RNU7-1: variants seen among roughly 807,000 people sequenced by gnomAD.
The protein encoded by RNU7-1 is RNA, U7 small nuclear 1.
chr12:6,943,830 T>C (rs1320952467), exon 1 of RNU7-1: 7 of 868,592 alleles, frequency 8.1e-6, no homozygotes, highest in East Asian at 3.6e-5. Context: ...GTTACAGCTC[T>C]TTTAGAATTT....
exon 1 of RNU7-1, chr12:6,943,853 T>C (rs782427287): frequency 1.3e-4 from 121 of 909,288 alleles, no homozygotes; most frequent in Non-Finnish European, 1.7e-4. Context: ...CTAGTAGGCT[T>C]TCTGGCTTTT....
chr12:6,943,856 T>G lies in RNU7-1; in HGVS notation n.41T>G, dbSNP rs782444004. The G allele has an allele frequency of 4.3e-5, 40 of 932,280 alleles. No individual in the cohort carries two copies. Among genetic ancestry groups the G allele is most frequent in the African/African-American group, 1.2e-4 (7 of 59,234 alleles). 57.8% of individuals were successfully genotyped at this position (932,280 alleles called of 1,614,324 possible). On this transcript the variant is annotated non_coding_transcript_exon_variant, in exon 1 of 1. Transcript: ENST00000458811. The stretch of plus-strand genomic sequence containing the variant: ...TTTAGAATTTGTCTAGTAGGCTTTC[T>G]GGCTTTTTACCGGAAAGCCCCTCTT...
chr12:6,943,831 T>A (rs1343068289), exon 1 of RNU7-1: 2 of 866,826 alleles, frequency 2.3e-6, no homozygotes, highest in African/African-American at 1.7e-5. Flanking sequence ...TTACAGCTCT[T>A]TTAGAATTTG....
rs1294545980 is a variant in RNU7-1, at chr12:6,943,859, CT to C, written n.49del. On this transcript the variant is annotated non_coding_transcript_exon_variant, in exon 1 of 1. Transcript: ENST00000458811. The stretch of plus-strand genomic sequence containing the variant: ...AGAATTTGTCTAGTAGGCTTTCTGG[CT>C]TTTTACCGGAAAGCCCCTCTTATGA... 4.8e-5 allele frequency: 45 copies of C among 939,090 alleles called. No homozygotes were observed. Among genetic ancestry groups the C allele is most frequent in the Middle Eastern group, 7.0e-4 (2 of 2,856 alleles). The allele number at this position is 939,090 out of a possible 1,614,324, so 58.2% of individuals were successfully genotyped here.
exon 1 of RNU7-1, chr12:6,943,868 G>GA: frequency 2.1e-6 from 2 of 941,890 alleles, no homozygotes; most frequent in East Asian, 3.0e-5. Flanking sequence ...GCTTTTTACC[G>GA]GAAAGCCCCT....
rs1003056522 is a variant in RNU7-1, at chr12:6,943,826, G to C, written n.11G>C. Reference sequence around the variant, plus strand: ...CAAACACATACGCAGCAGTGTTACAGCTCTTTTAGAATTTGTCTAGTAGGC... The same window carrying C: ...CAAACACATACGCAGCAGTGTTACACCTCTTTTAGAATTTGTCTAGTAGGC... On this transcript the variant is annotated non_coding_transcript_exon_variant, in exon 1 of 1. Coordinates refer to ENST00000458811, the Ensembl canonical transcript of RNU7-1. 11 of 862,556 alleles carry C rather than the reference G, an allele frequency of 1.3e-5. No homozygotes were observed. The South Asian group carries it at 1.4e-4, about 11-fold the overall frequency. The allele number at this position is 862,556 out of a possible 1,614,324, so 53.4% of individuals were successfully genotyped here.
At chr12:6,943,841 G>C in exon 1 of RNU7-1, 2 of 885,578 alleles carry the variant, frequency 2.3e-6, no homozygotes, top group Non-Finnish European at 3.2e-6. Flanking sequence ...TTTAGAATTT[G>C]TCTAGTAGGC....
chr12:6,943,816 C>A (rs115670517), exon 1 of RNU7-1: 10 of 833,466 alleles, frequency 1.2e-5, no homozygotes, highest in South Asian at 1.8e-5. Flanking sequence ...ACATACGCAG[C>A]AGTGTTACAG....
chr12:6,943,852 T>A (rs1012635845), exon 1 of RNU7-1: 3 of 905,832 alleles, frequency 3.3e-6, no homozygotes, highest in African/African-American at 1.7e-5. Flanking sequence ...TCTAGTAGGC[T>A]TTCTGGCTTT....
exon 1 of RNU7-1, chr12:6,943,836 A>AT: frequency 5.7e-6 from 5 of 876,686 alleles, no homozygotes; most frequent in East Asian, 3.5e-5. Flanking sequence ...GCTCTTTTAG[A>AT]ATTTGTCTAG....
exon 1 of RNU7-1, chr12:6,943,849 G>C (rs782586264): frequency 1.1e-5 from 10 of 890,604 alleles, no homozygotes; most frequent in African/African-American, 1.0e-4. Context: ...TTGTCTAGTA[G>C]GCTTTCTGGC....
chr12:6,943,849 G>A (rs782586264), exon 1 of RNU7-1: 73 of 890,604 alleles, frequency 8.2e-5, no homozygotes, highest in Non-Finnish European at 1.0e-4. Flanking sequence ...TTGTCTAGTA[G>A]GCTTTCTGGC....
exon 1 of RNU7-1, chr12:6,943,858 G>A (rs781962342): frequency 9.5e-5 from 89 of 940,576 alleles, no homozygotes; most frequent in East Asian, 2.8e-4. Context: ...AGGCTTTCTG[G>A]CTTTTTACCG....
At chr12:6,943,868 G>GT (rs1287202202) in exon 1 of RNU7-1, 66 of 941,772 alleles carry the variant, frequency 7.0e-5, no homozygotes, top group Middle Eastern at 3.4e-4. Flanking sequence ...GCTTTTTACC[G>GT]GAAAGCCCCT....
At chr12:6,943,820 G>C in exon 1 of RNU7-1, 1 of 857,908 alleles carries the variant, frequency 1.2e-6, no homozygotes, top group Admixed American at 3.3e-5. Context: ...ACGCAGCAGT[G>C]TTACAGCTCT....
exon 1 of RNU7-1, chr12:6,943,846 G>GT (rs1371704028): frequency 1.1e-5 from 10 of 902,024 alleles, no homozygotes; most frequent in Non-Finnish European, 1.4e-5. Flanking sequence ...AATTTGTCTA[G>GT]TAGGCTTTCT....
At chr12:6,943,841 G>T (rs921380928) in exon 1 of RNU7-1, 4 of 885,578 alleles carry the variant, frequency 4.5e-6, no homozygotes, top group Non-Finnish European at 4.8e-6. Context: ...TTTAGAATTT[G>T]TCTAGTAGGC....
exon 1 of RNU7-1, chr12:6,943,862 T>G (rs782247139): frequency 2.3e-5 from 22 of 939,034 alleles, no homozygotes; most frequent in Non-Finnish European, 3.0e-5. Flanking sequence ...TTTCTGGCTT[T>G]TTACCGGAAA....
exon 1 of RNU7-1, chr12:6,943,858 GCTT>G (rs1945695106): frequency 5.3e-6 from 5 of 940,458 alleles, no homozygotes; most frequent in South Asian, 1.8e-5. Context: ...AGGCTTTCTG[GCTT>G]TTTACCGGAA....
Sources: allele counts gnomAD v4.1 joint callset, GRCh38; gene constraint gnomAD v4.1.1; transcripts MANE v1.5; gene names NCBI Gene and HGNC (gene_info 2026-07-23, HGNC 2026-07-21).